Variants in PDK3 observed in about 807,000 individuals in gnomAD.
PDK3 encodes the protein pyruvate dehydrogenase kinase 3, also known as pyruvate dehydrogenase kinase, isozyme 3.
Under a neutral mutation model 32.0 loss-of-function variants are expected in PDK3, and 12 were observed. The ratio of observed to expected loss-of-function variants is 0.37; its 90% CI spans 0.24 to 0.61. The LOEUF is 0.61. Ranked by LOEUF, PDK3 falls within the 20% of genes least tolerant of loss-of-function variation. The pLI, the probability that PDK3 is intolerant of heterozygous loss-of-function variation, is 0.65. For missense variants in PDK3, 188 were observed against 316.9 expected (o/e 0.59, Z 3.09); for synonymous variants, 122 against 116.3 (o/e 1.05, Z -0.31).
At chrX:24,539,080 G>T, downstream of PDK3, 1 of 744,416 alleles carries the variant, frequency 1.3e-6, no homozygotes, top group Non-Finnish European at 2.0e-6. Flanking sequence ...GGTCAAAACA[G>T]AGGAGGTTGT....
chrX:24,478,510 A>G (rs1291485885), intron 1 of PDK3, among the ~76,000 whole-genome samples: 1 of 111,428 alleles, frequency 9.0e-6, no homozygotes, highest in Non-Finnish European at 1.9e-5. Flanking sequence ...CAGTTAGCCT[A>G]TTTCGCTTTT....
chrX:24,475,727 G>A (rs1291776637), intron 1 of PDK3, among the ~76,000 whole-genome samples: 1 of 110,470 alleles, frequency 9.1e-6, no homozygotes, highest in Non-Finnish European at 1.9e-5. Context: ...GACGGAAGGA[G>A]GAAAGGAAGG....
chrX:24,494,315 A>C (rs775586662), intron 1 of PDK3, among the ~76,000 whole-genome samples: 116 of 112,321 alleles, frequency 1.0e-3, no homozygotes, highest in African/African-American at 3.6e-3. Context: ...AACAGTTGGC[A>C]CACACAGTAG....
At chrX:24,473,582 G>A (rs1921031239) in intron 1 of PDK3, among the ~76,000 whole-genome samples, 1 of 108,312 alleles carries the variant, frequency 9.2e-6, no homozygotes, top group Admixed American at 9.8e-5. Context: ...GATTACAGGT[G>A]TCTGCCACCA....
rs142805705 is a variant in PDK3, at chrX:24,497,031, C to T, written c.249-1798C>T. 9.5e-3 allele frequency among the ~76,000 whole-genome samples: 1,036 copies of T among 108,989 alleles called. 6 individuals carry two copies. Among genetic ancestry groups the T allele is most frequent in the Non-Finnish European group, 0.015 (789 of 52,480 alleles). 94.6% of individuals were successfully genotyped at this position (108,989 alleles called of 115,157 possible). On this transcript the variant is annotated intron_variant, in intron 2 of 10. Transcript: ENST00000379162. ...TCCTGACCTTGTGATCCGCCTGCCT[C>T]GGCCTCTCAAAGTGCTGGGATTACA... is the stretch of plus-strand genomic sequence containing the variant.
chrX:24,493,508 TA>T (rs1333721901), intron 1 of PDK3, among the ~76,000 whole-genome samples: 1 of 111,437 alleles, frequency 9.0e-6, no homozygotes, highest in African/African-American at 3.3e-5. Context: ...AGAAAATTGT[TA>T]AATGGCTCTG....
At position 24,494,833 on chromosome X, in the gene PDK3, T is replaced by C. The variant is rs780465553; in HGVS notation, c.198T>C (p.Leu66=). 6 of 1,206,638 alleles carry C rather than the reference T, an allele frequency of 5.0e-6. No individual in the cohort carries two copies. Among genetic ancestry groups the C allele is most frequent in the Non-Finnish European group, 6.7e-6 (6 of 891,442 alleles). ...CTAACACAATGAGAGAAGTTAATCTTCTGCCGGATAATTTACTTAACCGCC... is the reference window on the plus strand; with the variant it reads ...CTAACACAATGAGAGAAGTTAATCTCCTGCCGGATAATTTACTTAACCGCC... ...RLANTMREVN[L]LPDNLLNRPS... is the part of the protein sequence containing the mutation. Residue 66 remains leucine, a synonymous_variant, in exon 2 of 11, where the codon CTT becomes CTC. Coordinates refer to ENST00000379162, the MANE Select transcript of PDK3 (RefSeq NM_005391.5).
intron 2 of PDK3, among the ~76,000 whole-genome samples, chrX:24,496,931 G>A (rs1323334223): frequency 2.8e-5 from 3 of 106,539 alleles, no homozygotes; most frequent in African/African-American, 1.0e-4. Flanking sequence ...ACAGGCGCCC[G>A]CCACCATGCC....
intron 5 of PDK3, 96 bp from the exon 6 acceptor site, chrX:24,518,833 ATGTG>A: frequency 2.3e-6 from 1 of 430,697 alleles, no homozygotes; most frequent in Non-Finnish European, 3.8e-6. Context: ...ATACATGCAC[ATGTG>A]CACACACACA....
chrX:24,510,204 G>A (rs1303893336), intron 5 of PDK3, among the ~76,000 whole-genome samples: 1 of 112,199 alleles, frequency 8.9e-6, no homozygotes, highest in Admixed American at 9.5e-5. Flanking sequence ...AAGACGAACT[G>A]GAACCCCAAA....
At chrX:24,500,543 G>T (rs1921830098) in intron 3 of PDK3, among the ~76,000 whole-genome samples, 1 of 112,563 alleles carries the variant, frequency 8.9e-6, no homozygotes, top group African/African-American at 3.2e-5. Context: ...CAAACTGTCA[G>T]TGCTGAATCC....
downstream of PDK3, among the ~76,000 whole-genome samples, chrX:24,537,273 C>G (rs961056788): frequency 8.0e-5 from 8 of 99,967 alleles, no homozygotes; most frequent in Non-Finnish European, 1.6e-4. Context: ...TGAGCCACCA[C>G]GCCTGGCTAT....
chrX:24,543,179 C>G (rs1922926128), exon 12 of PDK3, among the ~76,000 whole-genome samples: 1 of 112,306 alleles, frequency 8.9e-6, no homozygotes, highest in African/African-American at 3.2e-5. Context: ...TAGATATGGT[C>G]ATTTCAAGCC....
intron 5 of PDK3, among the ~76,000 whole-genome samples, chrX:24,512,451 A>G (rs1196214785): frequency 8.9e-6 from 1 of 111,948 alleles, no homozygotes; most frequent in African/African-American, 3.2e-5. Flanking sequence ...GTTACAAGTA[A>G]CAGAGACCCA....
chrX:24,523,194 C>T (rs1295147697), intron 6 of PDK3, among the ~76,000 whole-genome samples: 1 of 111,486 alleles, frequency 9.0e-6, no homozygotes, highest in Non-Finnish European at 1.9e-5. Context: ...GGGGAAGGAG[C>T]GAGGGAGCTC....
exon 12 of PDK3, chrX:24,548,466 T>G (rs989872876): frequency 1.8e-5 from 2 of 112,509 alleles, no homozygotes; most frequent in Non-Finnish European, 3.8e-5. Context: ...AAGTGGCTTC[T>G]TAATTTGAAT....
At chrX:24,499,880 T>C (rs1410421531) in intron 3 of PDK3, among the ~76,000 whole-genome samples, 1 of 112,369 alleles carries the variant, frequency 8.9e-6, no homozygotes, top group African/African-American at 3.2e-5. Flanking sequence ...GTTGGGTGTT[T>C]GTCTGATGGA....
chrX:24,468,197 C>A (rs1387852604), intron 1 of PDK3, among the ~76,000 whole-genome samples: 1 of 112,082 alleles, frequency 8.9e-6, no homozygotes, highest in Non-Finnish European at 1.9e-5. Context: ...TTGCTATGTT[C>A]AAAAGTGGAG....
chrX:24,467,670 C>G (rs1472273641), intron 1 of PDK3, among the ~76,000 whole-genome samples: 1 of 112,117 alleles, frequency 8.9e-6, no homozygotes, highest in Admixed American at 9.5e-5. Flanking sequence ...TTAGTTCTGT[C>G]TCTTGATAGC....
Sources: gnomAD v4.1 joint callset for allele counts (sites outside exome capture counted in the v4.1 genomes callset) on GRCh38, gnomAD v4.1.1 for gene constraint, MANE v1.5 for transcripts, NCBI Gene and HGNC (gene_info 2026-07-23, HGNC 2026-07-21) for gene names.